FHIP1A: variants seen among roughly 807,000 people sequenced by gnomAD.
FHIP1A encodes FHF complex subunit HOOK interacting protein 1A, also known as FHF complex subunit HOOK-interacting protein 1A.
Under a neutral mutation model 88.6 loss-of-function variants are expected in FHIP1A, and 61 were observed. The observed-to-expected ratio is 0.69, with a 90% confidence interval of 0.56 to 0.85. FHIP1A has a LOEUF of 0.85. FHIP1A is among the 40% of genes least tolerant of loss of function. FHIP1A has a pLI of 0.00. For synonymous variants in FHIP1A, 478 were observed against 496.0 expected (o/e 0.96, Z 0.48); for missense variants, 1,154 against 1,273.5 (o/e 0.91, Z 1.43).
Position 151,649,473 on chromosome 4 carries a change from C to G in FHIP1A, c.1432C>G (p.Pro478Ala). Residue 478 changes from proline to alanine, a missense_variant, in exon 11 of 14, where the codon CCA becomes GCA. Coordinates refer to ENST00000435205, the MANE Select transcript of FHIP1A (RefSeq NM_001109977.3). ...MHDTSGPVER[P>A]FPEAFSESAC... ...CTCCTGTGCAGGGCCTGTGGAGCGG[C>G]CATTCCCCGAAGCGTTCTCCGAGTC... 6.5e-7 allele frequency: 1 copy of G among 1,548,886 alleles called. No homozygotes were observed. The highest frequency in any genetic ancestry group is 8.7e-7 in the Non-Finnish European group (1 of 1,145,628).
intron 3 of FHIP1A, among the ~76,000 whole-genome samples, chr4:151,486,131 A>C (rs1035240204): frequency 6.6e-6 from 1 of 152,078 alleles, no homozygotes; most frequent in African/African-American, 2.4e-5. Context: ...GCCACTGCTG[A>C]TCTAACAGGA....
chr4:151,517,269 A>C (rs1330052295), intron 3 of FHIP1A, among the ~76,000 whole-genome samples: 1 of 151,030 alleles, frequency 6.6e-6, no homozygotes, highest in African/African-American at 2.4e-5. Flanking sequence ...ACATGGACAC[A>C]GGAAGGGGAA....
At chr4:151,638,256 TAAA>T in intron 8 of FHIP1A, among the ~76,000 whole-genome samples, 1 of 152,058 alleles carries the variant, frequency 6.6e-6, no homozygotes, top group Non-Finnish European at 1.5e-5. Context: ...CCCTGTCTTG[TAAA>T]TAACTAATGG....
intron 3 of FHIP1A, among the ~76,000 whole-genome samples, chr4:151,502,909 G>T (rs1440258788): frequency 6.6e-6 from 1 of 152,078 alleles, no homozygotes. Flanking sequence ...TACAGCTAAA[G>T]AAATTTAATG....
At chr4:151,502,923 G>A (rs1046512994) in intron 3 of FHIP1A, among the ~76,000 whole-genome samples, 20 of 152,232 alleles carry the variant, frequency 1.3e-4, no homozygotes, top group Non-Finnish European at 2.1e-4. Context: ...TTTAATGACC[G>A]TTATACTGAA....
At position 151,609,210 on chromosome 4, in the gene FHIP1A, C is replaced by G. The variant is rs559809690; in HGVS notation, c.978+20284C>G. ...ACTATAAGATACCACTGTTCTACCTCTGACCCAGTCCTGCCAAATGCCTTG... is the reference window on the plus strand; with the variant it reads ...ACTATAAGATACCACTGTTCTACCTGTGACCCAGTCCTGCCAAATGCCTTG... On this transcript the variant is annotated intron_variant, in intron 7 of 13. Transcript: ENST00000435205. 5.9e-5 allele frequency among the ~76,000 whole-genome samples: 9 copies of G among 152,326 alleles called. No homozygotes were observed. In the East Asian group the frequency reaches 1.5e-3, roughly 26 times the overall value.
rs1205043871 is a variant in FHIP1A at position 151,646,545 on chromosome 4, T to A, written c.1227-13T>A. The A allele has an allele frequency of 6.5e-7, 1 of 1,546,216 alleles. No individual in the cohort carries two copies. The highest frequency in any genetic ancestry group is 8.8e-7 in the Non-Finnish European group (1 of 1,142,816). On this transcript the variant is annotated splice_polypyrimidine_tract_variant and intron_variant, in intron 9 of 13. Transcript: ENST00000435205. ...TTGCAGAGACCAAACGCTTGTTCTT[T>A]TTGTCATTCTAGGTATCTGATCCCC...
At chr4:151,521,675 TTGTATGTATGTATGTA>T (rs35842414) in intron 3 of FHIP1A, among the ~76,000 whole-genome samples, 56,468 of 150,264 alleles carry the variant, frequency 0.38, 10,830 homozygotes, top group Non-Finnish European at 0.42. Context: ...GTATGTCAGT[TTGTATGTATGTATGTA>T]TGTATGTATG....
At chr4:151,499,099 T>C (rs1057469860) in intron 3 of FHIP1A, among the ~76,000 whole-genome samples, 3 of 152,158 alleles carry the variant, frequency 2.0e-5, no homozygotes, top group Non-Finnish European at 2.9e-5. Flanking sequence ...AGTCTGAAAA[T>C]GTGTATCTAT....
At chr4:151,547,642 A>G (rs1056119267) in intron 3 of FHIP1A, among the ~76,000 whole-genome samples, 2 of 152,180 alleles carry the variant, frequency 1.3e-5, no homozygotes, top group Non-Finnish European at 2.9e-5. Flanking sequence ...GGCCAGGCAC[A>G]GTGGCTCATG....
chr4:151,623,680 C>G (rs1735839603), intron 7 of FHIP1A, among the ~76,000 whole-genome samples: 1 of 151,820 alleles, frequency 6.6e-6, no homozygotes. Flanking sequence ...ATTGATTATC[C>G]CCATTTTGCA....
At chr4:151,525,938 G>C (rs1731615155) in intron 3 of FHIP1A, among the ~76,000 whole-genome samples, 1 of 151,856 alleles carries the variant, frequency 6.6e-6, no homozygotes, top group Non-Finnish European at 1.5e-5. Flanking sequence ...GGGTACTTGA[G>C]ATTAGGGAGT....
At position 151,470,541 on chromosome 4, in the gene FHIP1A, C is replaced by T. The variant is rs555292401; in HGVS notation, c.-247-11983C>T. Among the ~76,000 whole-genome samples the T allele has an allele frequency of 2.6e-5, 4 of 152,130 alleles. 1 individual carries two copies. In the South Asian group the frequency reaches 8.3e-4, roughly 32 times the overall value. ...GTGTGGGTGGTTTTTCTTTCTGCTG[C>T]CAAGTTAGAGGTTTGATTGTGACAG... is the stretch of plus-strand genomic sequence containing the variant. On this transcript the variant is annotated intron_variant, in intron 2 of 13. Coordinates refer to ENST00000435205, the MANE Select transcript of FHIP1A (RefSeq NM_001109977.3).
At chr4:151,553,018 A>G (rs1042547101) in intron 3 of FHIP1A, among the ~76,000 whole-genome samples, 3 of 152,134 alleles carry the variant, frequency 2.0e-5, no homozygotes, top group East Asian at 1.9e-4. Context: ...GTTTAATTCC[A>G]AACCTGGCTA....
intron 3 of FHIP1A, among the ~76,000 whole-genome samples, chr4:151,489,590 T>C (rs1439763762): frequency 6.6e-6 from 1 of 152,082 alleles, no homozygotes; most frequent in Non-Finnish European, 1.5e-5. Flanking sequence ...GGGCAAGATC[T>C]CAGCCCTGCT....
intron 1 of FHIP1A, among the ~76,000 whole-genome samples, chr4:151,443,616 CT>C (rs57129396): frequency 0.49 from 69,798 of 143,354 alleles, 17,054 homozygotes; most frequent in African/African-American, 0.53. Flanking sequence ...GTATGTAGAG[CT>C]TTTTTTTTTT....
intron 3 of FHIP1A, among the ~76,000 whole-genome samples, chr4:151,557,044 A>C (rs1421027547): frequency 6.6e-6 from 1 of 152,220 alleles, no homozygotes; most frequent in East Asian, 1.9e-4. Context: ...ATCAGAATCT[A>C]GTCCCCATAT....
At position 151,669,035 on chromosome 4, in the gene FHIP1A, CAGACT is replaced by C. The variant is rs1737765230; in HGVS notation, c.*6283_*6287del. Among the ~76,000 whole-genome samples, 2 of 152,206 alleles carry C rather than the reference CAGACT, an allele frequency of 1.3e-5. No individual in the cohort carries two copies. Among genetic ancestry groups the C allele is most frequent in the South Asian group, 2.1e-4 (1 of 4,828 alleles). On this transcript the variant is annotated 3_prime_UTR_variant, in exon 14 of 14. Transcript: ENST00000435205. ...CTCCCTGAAGGGTGAACCAGTAGAC[CAGACT>C]AAACGCACACTCATGCAAGAATGTA...
chr4:151,534,180 C>G (rs951578974), intron 3 of FHIP1A, among the ~76,000 whole-genome samples: 12 of 152,164 alleles, frequency 7.9e-5, no homozygotes, highest in African/African-American at 2.7e-4. Context: ...TTAAGGAAAC[C>G]TGAATTTGAG....
Sources: allele counts gnomAD v4.1 joint callset (sites outside exome capture counted in the v4.1 genomes callset), GRCh38; gene constraint gnomAD v4.1.1; transcripts MANE v1.5; gene names NCBI Gene and HGNC (gene_info 2026-07-23, HGNC 2026-07-21).